The following EXOC1 variants were observed in gnomAD, a reference collection of about 807,000 sequenced individuals.
EXOC1 encodes SEC3-like 1.
In EXOC1, 67 loss-of-function variants were observed where a neutral mutation model predicts 107.7. The observed-to-expected ratio is 0.62, with a 90% CI of 0.51 to 0.76. The LOEUF is 0.76. Ranked by LOEUF, EXOC1 falls within the 30% of genes least tolerant of loss-of-function variation. The pLI is 0.00. For synonymous variants in EXOC1, 348 were observed against 353.5 expected (o/e 0.98, Z 0.17); for missense variants, 833 against 1,055.7 (o/e 0.79, Z 2.92).
intron 12 of EXOC1, 96 bp downstream of exon 12, chr4:55,890,482 C>T: frequency 1.0e-6 from 1 of 996,214 alleles, no homozygotes; most frequent in Admixed American, 2.2e-5. Context: ...TTGGGTTCTT[C>T]TGGCTCTCTT....
intron 5 of EXOC1, among the ~76,000 whole-genome samples, chr4:55,870,324 A>C (rs1722309781): frequency 6.6e-6 from 1 of 152,238 alleles, no homozygotes; most frequent in Non-Finnish European, 1.5e-5. Context: ...ACATGGCCTA[A>C]TGCCTCCTAA....
At position 55,896,913 on chromosome 4, in the gene EXOC1, T is replaced by C. The variant is rs1416848999; in HGVS notation, c.2137+13T>C. 3 of 1,575,618 alleles carry C rather than the reference T, an allele frequency of 1.9e-6. No individual in the cohort carries two copies. Among genetic ancestry groups the C allele is most frequent in the Non-Finnish European group, 2.6e-6 (3 of 1,167,888 alleles). ...GTATTTGTTAATGGTAAGCTTTTGT[T>C]ATGTTCTAAAGAATTGTTATAGCTA... On this transcript the variant is annotated intron_variant, in intron 16 of 18. Coordinates refer to ENST00000381295, the MANE Select transcript of EXOC1 (RefSeq NM_001024924.2).
chr4:55,871,934 C>T lies in EXOC1; in HGVS notation c.1050C>T (p.His350=). ...RELFARRLAS[H]LNNVFVQQGH... is the part of the protein sequence containing the mutation. Reference sequence around the variant, plus strand: ...TTTTTGCCCGGAGACTGGCCAGTCACCTCAACAATGTTTTTGTTCAACAGG... The same window carrying T: ...TTTTTGCCCGGAGACTGGCCAGTCATCTCAACAATGTTTTTGTTCAACAGG... Residue 350 remains histidine (H), a synonymous_variant, in exon 8 of 19, where the codon CAC becomes CAT. Transcript: ENST00000381295. 1 of 1,613,632 alleles carries T rather than the reference C, an allele frequency of 6.2e-7. No individual in the cohort carries two copies. Among genetic ancestry groups the T allele is most frequent in the Non-Finnish European group, 8.5e-7 (1 of 1,179,744 alleles).
chr4:55,868,483 T>C lies in EXOC1; in HGVS notation c.563T>C (p.Phe188Ser). 1 of 1,613,800 alleles carries C rather than the reference T, an allele frequency of 6.2e-7. No individual in the cohort carries two copies. Among genetic ancestry groups the C allele is most frequent in the Non-Finnish European group, 8.5e-7 (1 of 1,179,788 alleles). ...CEYAISNAEA[F>S]AEKLSRELQV... ...TATGCAATCTCGAATGCGGAAGCCT[T>C]TGCAGAAAAATTGTCCAGAGAGCTG... The change falls in exon 5 of 19, where the codon TTT (phenylalanine) becomes TCT (serine). Residue 188 changes from phenylalanine to serine, a missense_variant. Physicochemically the swap from Phe to Ser is radical, Grantham distance 155. Transcript: ENST00000381295.
At chr4:55,868,960 G>A (rs1397519842) in intron 5 of EXOC1, among the ~76,000 whole-genome samples, 1 of 152,164 alleles carries the variant, frequency 6.6e-6, no homozygotes. Context: ...AAAGAAGAGT[G>A]GAGTGAGTGT....
At chr4:55,865,838 G>A (rs1721910875) in intron 4 of EXOC1, among the ~76,000 whole-genome samples, 2 of 151,158 alleles carry the variant, frequency 1.3e-5, no homozygotes, top group African/African-American at 2.4e-5. Flanking sequence ...AAAAAAAAAA[G>A]GCATTCAATT....
chr4:55,858,112 C>A (rs959747113), intron 1 of EXOC1, among the ~76,000 whole-genome samples: 5 of 152,138 alleles, frequency 3.3e-5, no homozygotes, highest in Non-Finnish European at 7.3e-5. Context: ...CATTTCCAAA[C>A]ATTTTAGAGT....
At chr4:55,863,266 T>G (rs1372673992) in intron 3 of EXOC1, among the ~76,000 whole-genome samples, 1 of 152,138 alleles carries the variant, frequency 6.6e-6, no homozygotes, top group Non-Finnish European at 1.5e-5. Flanking sequence ...TGATGTGGAT[T>G]ATTGCTATAA....
At chr4:55,877,339 C>A in intron 8 of EXOC1, 8 of 985,392 alleles carry the variant, frequency 8.1e-6, no homozygotes, top group Non-Finnish European at 9.6e-6. Flanking sequence ...TCAAATAAAT[C>A]TGTCTTGGTT....
At chr4:55,864,641 A>G (rs893317368) in intron 4 of EXOC1, among the ~76,000 whole-genome samples, 2 of 152,210 alleles carry the variant, frequency 1.3e-5, no homozygotes, top group Non-Finnish European at 2.9e-5. Context: ...TCTTTTTCCT[A>G]TGCATAAACA....
intron 17 of EXOC1, among the ~76,000 whole-genome samples, chr4:55,901,173 A>G (rs529003037): frequency 6.6e-6 from 1 of 152,310 alleles, no homozygotes; most frequent in South Asian, 2.1e-4. Flanking sequence ...TAAATAAGAG[A>G]TATGGAAAAC....
At chr4:55,865,126 C>G (rs1202400587) in intron 4 of EXOC1, among the ~76,000 whole-genome samples, 1 of 152,104 alleles carries the variant, frequency 6.6e-6, no homozygotes, top group Non-Finnish European at 1.5e-5. Flanking sequence ...ATAGTAAGTG[C>G]TCAGTAAATA....
intron 4 of EXOC1, among the ~76,000 whole-genome samples, chr4:55,866,289 G>A (rs1406287630): frequency 2.6e-5 from 4 of 152,140 alleles, no homozygotes; most frequent in Non-Finnish European, 5.9e-5. Flanking sequence ...GGACTTTTCA[G>A]CAGTTGAAGT....
At position 55,871,832 on chromosome 4, in the gene EXOC1, A is replaced by G. The variant is rs766748811; in HGVS notation, c.965-17A>G. ...TTTTACCCATTAAACTGGTCACAAA[A>G]TGTCGTTCTGTGTCAGGCCATGACT... On this transcript the variant is annotated splice_polypyrimidine_tract_variant and intron_variant, in intron 7 of 18. Transcript: ENST00000381295. The G allele has an allele frequency of 2.2e-5, 35 of 1,609,712 alleles. No individual in the cohort carries two copies. The highest frequency in any genetic ancestry group is 6.6e-5 in the South Asian group (6 of 90,540).
rs1024271671 is a variant in EXOC1 at position 55,853,731 on chromosome 4, T to G, written c.-233T>G. The stretch of plus-strand genomic sequence containing the variant: ...CGCTTTATTGAGGGGCGTATCCTAG[T>G]GGCCCCCATCCGGTCTCCGTTTTGG... On this transcript the variant is annotated 5_prime_UTR_variant, in exon 1 of 19. Transcript: ENST00000381295. 1.3e-5 allele frequency: 2 copies of G among 152,288 alleles called. No homozygotes were observed. The highest frequency in any genetic ancestry group is 4.8e-5 in the African/African-American group (2 of 41,476). The allele number at this position is 152,288 out of a possible 1,614,324, so 9.4% of individuals were successfully genotyped here. A position where few individuals can be genotyped will look rare whatever the true frequency, so the allele number is the denominator to read the frequency against.
intron 4 of EXOC1, chr4:55,866,767 T>G: frequency 6.4e-5 from 37 of 574,772 alleles, no homozygotes; most frequent in Non-Finnish European, 7.3e-5. Flanking sequence ...GAAGTTCAAA[T>G]GAGATATGGG....
In EXOC1 at chr4:55,904,550, T is replaced by C. The variant is rs554566741; in HGVS notation, c.*55T>C. 2.2e-5 allele frequency: 33 copies of C among 1,488,568 alleles called. No individual in the cohort carries two copies. The South Asian group carries it at 4.5e-4, about 20-fold the overall frequency. 92.2% of individuals were successfully genotyped at this position (1,488,568 alleles called of 1,614,324 possible). On this transcript the variant is annotated 3_prime_UTR_variant, in exon 19 of 19. Coordinates refer to ENST00000381295, the MANE Select transcript of EXOC1 (RefSeq NM_001024924.2). ...TGAAGCATTTGAGTATAACAGACAC[T>C]ATACCAAAATACCAAGCAACTGTTT...
intron 18 of EXOC1, among the ~76,000 whole-genome samples, 165 bp from the exon 19 acceptor site, chr4:55,904,178 G>T (rs1726351772): frequency 6.6e-6 from 1 of 151,102 alleles, no homozygotes. Context: ...TGTACTGAAG[G>T]TTACAAATCT....
At chr4:55,871,047 C>A in intron 6 of EXOC1, 54 bp from the exon 7 acceptor site, 1 of 1,596,558 alleles carries the variant, frequency 6.3e-7, no homozygotes, top group Non-Finnish European at 8.6e-7. Context: ...TAGCATCTTG[C>A]CTGTAAATTT....
Sources: gnomAD v4.1 joint callset for allele counts (sites outside exome capture counted in the v4.1 genomes callset) on GRCh38, gnomAD v4.1.1 for gene constraint, MANE v1.5 for transcripts, NCBI Gene and HGNC (gene_info 2026-07-23, HGNC 2026-07-21) for gene names.